Variants in LRMDA observed in about 807,000 individuals in gnomAD.
LRMDA encodes the protein leucine-rich melanocyte differentiation-associated protein.
In LRMDA, 18 loss-of-function variants were observed where a neutral mutation model predicts 29.8. The observed-to-expected ratio is 0.60, with a 90% CI of 0.42 to 0.90. The LOEUF (loss-of-function observed/expected upper bound fraction) is 0.90. Among genes scored for constraint, LRMDA ranks in the 40% least tolerant of loss-of-function variants. LRMDA has a pLI of 0.00. For synonymous variants in LRMDA, 125 were observed against 109.4 expected (o/e 1.14, Z -0.89); for missense variants, 273 against 273.9 (o/e 1.00, Z 0.02).
chr10:75,525,373 G>A (rs1241605984), intron 2 of LRMDA, among the ~76,000 whole-genome samples: 1 of 152,152 alleles, frequency 6.6e-6, no homozygotes, highest in African/African-American at 2.4e-5. Flanking sequence ...CTTGCCAAGG[G>A]TAATGAAATT....
intron 5 of LRMDA, among the ~76,000 whole-genome samples, chr10:76,144,678 C>T (rs1245751102): frequency 6.6e-6 from 1 of 152,050 alleles, no homozygotes; most frequent in African/African-American, 2.4e-5. Context: ...ATTGAATACC[C>T]TTTATTTCCT....
chr10:75,717,050 T>C (rs1282958574), intron 2 of LRMDA, among the ~76,000 whole-genome samples: 1 of 152,158 alleles, frequency 6.6e-6, no homozygotes, highest in East Asian at 1.9e-4. Flanking sequence ...TCAAATGAGC[T>C]TTCCTGCATG....
At chr10:76,263,665 AG>A (rs940241137) in intron 5 of LRMDA, among the ~76,000 whole-genome samples, 11 of 152,238 alleles carry the variant, frequency 7.2e-5, no homozygotes, top group Admixed American at 6.5e-4. Context: ...CTATGTAGAA[AG>A]CACTCATAGG....
chr10:76,086,422 A>T (rs201447696), intron 5 of LRMDA, among the ~76,000 whole-genome samples: 27 of 118 alleles, frequency 0.23, no homozygotes, highest in Admixed American at 0.48. Flanking sequence ...TTATTTCTTC[A>T]AACAAGCCCT....
chr10:76,107,351 G>C (rs1202070244), intron 5 of LRMDA, among the ~76,000 whole-genome samples: 1 of 152,186 alleles, frequency 6.6e-6, no homozygotes, highest in Non-Finnish European at 1.5e-5. Context: ...GTGATGCTGA[G>C]GCTGCTGACC....
At chr10:76,219,797 A>G (rs1461147920) in intron 5 of LRMDA, among the ~76,000 whole-genome samples, 1 of 152,200 alleles carries the variant, frequency 6.6e-6, no homozygotes, top group Non-Finnish European at 1.5e-5. Flanking sequence ...CTCCACCCCA[A>G]ATCAACAGAG....
chr10:75,799,386 T>G lies in LRMDA; in HGVS notation c.132-236622T>G, dbSNP rs181996703. ...AGCCATACCACTTTTTTATGTGTAC[T>G]TTTTTTGCAGCCTATATATGTTTTT... is the stretch of plus-strand genomic sequence containing the variant. On this transcript the variant is annotated intron_variant, in intron 2 of 6. Transcript: ENST00000611255. 8.5e-5 allele frequency among the ~76,000 whole-genome samples: 13 copies of G among 152,330 alleles called. No individual in the cohort carries two copies. In the East Asian group the frequency reaches 2.5e-3, roughly 29 times the overall value.
chr10:75,613,791 A>T (rs145010427), intron 2 of LRMDA, among the ~76,000 whole-genome samples: 36 of 152,330 alleles, frequency 2.4e-4, no homozygotes, highest in Middle Eastern at 3.4e-3. Flanking sequence ...AGAGTACGTG[A>T]GAAGGGAAGA....
intron 2 of LRMDA, among the ~76,000 whole-genome samples, chr10:75,530,110 T>C (rs1199604224): frequency 6.6e-6 from 1 of 151,904 alleles, no homozygotes; most frequent in Non-Finnish European, 1.5e-5. Flanking sequence ...CATATTTATA[T>C]ATTCTTTAAA....
intron 2 of LRMDA, among the ~76,000 whole-genome samples, chr10:75,756,287 T>G (rs960414200): frequency 6.6e-6 from 1 of 152,234 alleles, no homozygotes; most frequent in African/African-American, 2.4e-5. Context: ...GAAAGTCTTC[T>G]TAAAAGAGAG....
chr10:75,685,550 TC>T (rs931070855), intron 2 of LRMDA, among the ~76,000 whole-genome samples: 3 of 152,200 alleles, frequency 2.0e-5, no homozygotes, highest in African/African-American at 7.2e-5. Context: ...CATCCATCTA[TC>T]TTCTCATGTG....
intron 6 of LRMDA, among the ~76,000 whole-genome samples, chr10:76,439,237 A>C (rs1842276065): frequency 6.6e-6 from 1 of 152,214 alleles, no homozygotes; most frequent in Non-Finnish European, 1.5e-5. Context: ...GAAATGCAGT[A>C]GCAAGCCCCA....
At chr10:76,376,998 G>T (rs896371016) in intron 6 of LRMDA, among the ~76,000 whole-genome samples, 32 of 145,504 alleles carry the variant, frequency 2.2e-4, no homozygotes, top group African/African-American at 7.3e-4. Context: ...CCATTCTCCT[G>T]CCTCAGCCTC....
intron 6 of LRMDA, among the ~76,000 whole-genome samples, chr10:76,373,143 T>C (rs1460741888): frequency 6.6e-6 from 1 of 152,168 alleles, no homozygotes; most frequent in Non-Finnish European, 1.5e-5. Context: ...TTTGTTTGCA[T>C]TTTGGGAGAT....
intron 2 of LRMDA, among the ~76,000 whole-genome samples, chr10:75,816,639 G>A (rs1322566850): frequency 1.3e-5 from 2 of 152,150 alleles, no homozygotes; most frequent in Non-Finnish European, 2.9e-5. Flanking sequence ...GAAGCTTTAG[G>A]GAACTTCTTA....
At chr10:75,940,839 A>T (rs1382899304) in intron 2 of LRMDA, among the ~76,000 whole-genome samples, 1 of 151,938 alleles carries the variant, frequency 6.6e-6, no homozygotes, top group Non-Finnish European at 1.5e-5. Flanking sequence ...GGTTTGATCT[A>T]ATACATAGAA....
At chr10:75,622,450 C>CA (rs557267229) in intron 2 of LRMDA, among the ~76,000 whole-genome samples, 166 of 152,246 alleles carry the variant, frequency 1.1e-3, no homozygotes, top group Middle Eastern at 6.8e-3. Context: ...GGCCATTGTG[C>CA]ATGTAGCCTT....
chr10:76,046,556 C>T (rs1848441989), intron 3 of LRMDA, among the ~76,000 whole-genome samples: 1 of 152,152 alleles, frequency 6.6e-6, no homozygotes, highest in Non-Finnish European at 1.5e-5. Flanking sequence ...ATGATCTCTA[C>T]TCACTGCAAC....
intron 5 of LRMDA, among the ~76,000 whole-genome samples, chr10:76,166,987 A>G (rs1476745340): frequency 6.6e-6 from 1 of 151,288 alleles, no homozygotes; most frequent in African/African-American, 2.4e-5. Context: ...TTGACTTTTT[A>G]TAATAGATAG....
Sources: allele counts gnomAD v4.1 joint callset (sites outside exome capture counted in the v4.1 genomes callset), GRCh38; gene constraint gnomAD v4.1.1; transcripts MANE v1.5; gene names NCBI Gene and HGNC (gene_info 2026-07-23, HGNC 2026-07-21).